The following KSR2 variants were observed in gnomAD, a reference collection of about 807,000 sequenced individuals.
KSR2 encodes kinase suppressor of ras 2.
KSR2 carries 25 observed loss-of-function variants against 107.8 expected under a neutral mutation model. The observed-to-expected ratio is 0.23, with a 90% CI of 0.17 to 0.32. KSR2 has a LOEUF of 0.32. Ranked by LOEUF, KSR2 falls within the 10% of genes least tolerant of loss-of-function variation. The probability of loss-of-function intolerance (pLI) is 1.00; values close to 1 mark genes in which losing one functional copy is unlikely to be tolerated. For synonymous variants in KSR2, 480 were observed against 507.0 expected, an observed-to-expected ratio of 0.95 and a Z score of 0.71; for missense variants, 887 against 1,268.9, an observed-to-expected ratio of 0.70 and a Z score of 4.57.
chr12:117,610,665 G>C (rs780880254), intron 5 of KSR2, among the ~76,000 whole-genome samples: 5 of 151,408 alleles, frequency 3.3e-5, no homozygotes, highest in Non-Finnish European at 5.9e-5. Flanking sequence ...ATTGAGCCCA[G>C]GAGGTCAAGG....
At position 117,705,713 on chromosome 12, in the gene KSR2, G is replaced by A. The variant is rs141665578; in HGVS notation, c.987-38055C>T. ...GGTTCCTGATAGATTGGGCCATAAC[G>A]AAGCACTTAGAACCTGCCAGAGAAG... On this transcript the variant is annotated intron_variant, in intron 4 of 19. Transcript: ENST00000339824. 2.8e-3 allele frequency among the ~76,000 whole-genome samples: 429 copies of A among 152,314 alleles called. 1 individual carries two copies. The highest frequency in any genetic ancestry group is 5.6e-3 in the Admixed American group (86 of 15,306).
intron 3 of KSR2, among the ~76,000 whole-genome samples, chr12:117,819,935 A>G (rs572995356): frequency 6.6e-6 from 1 of 152,218 alleles, no homozygotes; most frequent in Non-Finnish European, 1.5e-5. Context: ...ATAGGAAAAA[A>G]GCCTAAAAGG....
chr12:117,744,452 C>T (rs1314332370), intron 4 of KSR2, among the ~76,000 whole-genome samples: 3 of 152,098 alleles, frequency 2.0e-5, no homozygotes, highest in African/African-American at 7.2e-5. Context: ...CCTTTATGAG[C>T]CTTTTCTTCC....
intron 3 of KSR2, among the ~76,000 whole-genome samples, chr12:117,798,091 AT>A (rs10708575): frequency 0.6 from 91,167 of 152,026 alleles, 29,598 homozygotes; most frequent in African/African-American, 0.85. Context: ...TCAAAAGCTA[AT>A]TTTTTTTCTT....
In KSR2 at chr12:117,747,547, CTG is replaced by C. The variant is rs1362531237; in HGVS notation, c.986+13462_986+13463del. 5.9e-5 allele frequency among the ~76,000 whole-genome samples: 9 copies of C among 152,102 alleles called. No homozygotes were observed. In the South Asian group the frequency reaches 6.2e-4, roughly 11 times the overall value. ...GCAAACCACCATGGCACATGTATAC[CTG>C]TGTGACAAACCTACACATTCTGCAC... On this transcript the variant is annotated intron_variant, in intron 4 of 19. Coordinates refer to ENST00000339824, the MANE Select transcript of KSR2 (RefSeq NM_173598.6).
chr12:117,653,106 G>A (rs541596865), intron 5 of KSR2, among the ~76,000 whole-genome samples: 1 of 152,222 alleles, frequency 6.6e-6, no homozygotes, highest in Non-Finnish European at 1.5e-5. Context: ...AAAGACACAG[G>A]GGAGGTGATT....
intron 4 of KSR2, among the ~76,000 whole-genome samples, chr12:117,673,961 T>G (rs1290385100): frequency 6.6e-6 from 1 of 152,138 alleles, no homozygotes; most frequent in Non-Finnish European, 1.5e-5. Context: ...GCTTTCTGGA[T>G]GGGCCAGCAA....
At chr12:117,473,457 C>T (rs1315546708) in intron 17 of KSR2, among the ~76,000 whole-genome samples, 2 of 152,168 alleles carry the variant, frequency 1.3e-5, no homozygotes, top group Non-Finnish European at 2.9e-5. Flanking sequence ...CCATCTAACT[C>T]CAAGATGGTG....
At chr12:117,689,264 CA>C (rs1474538553) in intron 4 of KSR2, among the ~76,000 whole-genome samples, 1 of 151,944 alleles carries the variant, frequency 6.6e-6, no homozygotes, top group Non-Finnish European at 1.5e-5. Flanking sequence ...TTGTGTAGAC[CA>C]GGGGTCATCC....
intron 3 of KSR2, among the ~76,000 whole-genome samples, chr12:117,827,123 C>A (rs1398169360): frequency 2.6e-5 from 4 of 151,182 alleles, no homozygotes; most frequent in Non-Finnish European, 5.9e-5. Flanking sequence ...CTGCTCCTGA[C>A]TTCAAAAAGC....
chr12:117,513,027 A>G (rs1384074405), intron 14 of KSR2, among the ~76,000 whole-genome samples: 2 of 152,028 alleles, frequency 1.3e-5, no homozygotes, highest in Non-Finnish European at 2.9e-5. Context: ...TCCCCCCGCA[A>G]AAAAATCAGT....
intron 4 of KSR2, among the ~76,000 whole-genome samples, chr12:117,713,193 T>C (rs1379747965): frequency 1.3e-5 from 2 of 151,548 alleles, no homozygotes; most frequent in Non-Finnish European, 2.9e-5. Context: ...GTTATAGATA[T>C]GTCTATATAG....
chr12:117,514,544 C>CT (rs55927845), intron 14 of KSR2, among the ~76,000 whole-genome samples: 3,541 of 130,058 alleles, frequency 0.027, 130 homozygotes, highest in African/African-American at 0.069. Flanking sequence ...CTCTCTCTCT[C>CT]TTTTTTTTTT....
chr12:117,760,893 G>T, intron 4 of KSR2, 118 bp downstream of exon 4: 2 of 1,279,940 alleles, frequency 1.6e-6, no homozygotes, highest in East Asian at 5.1e-5. Flanking sequence ...CATTCAACCA[G>T]AGTCTGGAAC....
At chr12:117,542,200 C>T (rs1251056871) in intron 9 of KSR2, among the ~76,000 whole-genome samples, 1 of 152,088 alleles carries the variant, frequency 6.6e-6, no homozygotes, top group Non-Finnish European at 1.5e-5. Flanking sequence ...CCTCCTTATC[C>T]TTAACATGGG....
At chr12:117,843,202 G>C (rs946574041) in intron 3 of KSR2, among the ~76,000 whole-genome samples, 1 of 152,142 alleles carries the variant, frequency 6.6e-6, no homozygotes, top group Admixed American at 6.5e-5. Flanking sequence ...TAGACAGAAA[G>C]GGAACACCGA....
intron 5 of KSR2, among the ~76,000 whole-genome samples, chr12:117,582,866 A>G (rs887696585): frequency 1.2e-4 from 19 of 152,194 alleles, no homozygotes; most frequent in Non-Finnish European, 2.8e-4. Context: ...AGTGCAGTGG[A>G]TTCCCAGTGC....
chr12:117,936,518 T>G (rs552447636), intron 1 of KSR2, among the ~76,000 whole-genome samples: 1,026 of 39,672 alleles, frequency 0.026, 9 homozygotes, highest in East Asian at 0.077. Flanking sequence ...TATTTTATTA[T>G]TATTATTATT....
chr12:117,607,971 G>A (rs555885934), intron 5 of KSR2, among the ~76,000 whole-genome samples: 2 of 152,278 alleles, frequency 1.3e-5, no homozygotes, highest in East Asian at 1.9e-4. Context: ...ACTGCAGCCC[G>A]GCCAACAGGA....
Sources: gnomAD v4.1 joint callset for allele counts (sites outside exome capture counted in the v4.1 genomes callset) on GRCh38, gnomAD v4.1.1 for gene constraint, MANE v1.5 for transcripts, NCBI Gene and HGNC (gene_info 2026-07-23, HGNC 2026-07-21) for gene names.